XKR4: variants seen among roughly 807,000 people sequenced by gnomAD.
XKR4 encodes XK-related protein 4.
In XKR4, 12 loss-of-function variants were observed where a neutral mutation model predicts 53.9. That is an observed-to-expected ratio of 0.22 (90% CI 0.14 to 0.36). The LOEUF (loss-of-function observed/expected upper bound fraction) is 0.36. Ranked by LOEUF, XKR4 falls within the 10% of genes least tolerant of loss-of-function variation. The probability of loss-of-function intolerance (pLI) is 1.00; values close to 1 mark genes in which losing one functional copy is unlikely to be tolerated. For synonymous variants in XKR4, 354 were observed against 362.4 expected, an observed-to-expected ratio of 0.98 and a Z score of 0.26; for missense variants, 799 against 859.5, an observed-to-expected ratio of 0.93 and a Z score of 0.88.
At position 55,442,489 on chromosome 8, in the gene XKR4, C is replaced by T. The variant is rs971518830; in HGVS notation, c.1007-80792C>T. Among the ~76,000 whole-genome samples the T allele has an allele frequency of 1.3e-4, 20 of 152,170 alleles. No homozygotes were observed. In the East Asian group the frequency reaches 1.5e-3, roughly 12 times the overall value. On this transcript the variant is annotated intron_variant, in intron 2 of 2. Coordinates refer to ENST00000327381, the MANE Select transcript of XKR4 (RefSeq NM_052898.2). ...GCCAGCAATCCCATTCCTAGATATA[C>T]GCCCAAGAGATTTGAACACATACGT...
intron 1 of XKR4, among the ~76,000 whole-genome samples, chr8:55,184,303 TTATTG>T (rs1416744914): frequency 6.6e-6 from 1 of 152,158 alleles, no homozygotes; most frequent in Non-Finnish European, 1.5e-5. Context: ...ACCCTTTTCC[TTATTG>T]TAAGGGTGGG....
At chr8:55,123,356 T>A (rs1207482434) in intron 1 of XKR4, among the ~76,000 whole-genome samples, 1 of 152,196 alleles carries the variant, frequency 6.6e-6, no homozygotes, top group Non-Finnish European at 1.5e-5. Context: ...TCCACAGAAA[T>A]GAAAAGGCAT....
chr8:55,202,332 G>C (rs1482741626), intron 1 of XKR4, among the ~76,000 whole-genome samples: 1 of 152,204 alleles, frequency 6.6e-6, no homozygotes, highest in African/African-American at 2.4e-5. Context: ...GGGAGGCTGG[G>C]AGTTGCCTCG....
At chr8:55,191,943 GT>G (rs1391201340) in intron 1 of XKR4, among the ~76,000 whole-genome samples, 1 of 151,058 alleles carries the variant, frequency 6.6e-6, no homozygotes, top group Non-Finnish European at 1.5e-5. Flanking sequence ...CTTTCTTATC[GT>G]TTGTGATGAC....
At chr8:55,406,505 A>G (rs776529953) in intron 2 of XKR4, among the ~76,000 whole-genome samples, 33 of 152,170 alleles carry the variant, frequency 2.2e-4, no homozygotes, top group Non-Finnish European at 4.3e-4. Flanking sequence ...TATACATGCA[A>G]CTGCCAGAAA....
intron 2 of XKR4, among the ~76,000 whole-genome samples, chr8:55,500,635 C>T (rs1806423160): frequency 2.6e-5 from 4 of 152,176 alleles, no homozygotes; most frequent in African/African-American, 9.7e-5. Context: ...CATCACTATT[C>T]CCTCTCATGG....
chr8:55,114,206 G>A (rs184952723), intron 1 of XKR4, among the ~76,000 whole-genome samples: 13 of 152,240 alleles, frequency 8.5e-5, no homozygotes, highest in African/African-American at 2.4e-4. Context: ...GTATGAAAGC[G>A]TTCCCTTTTC....
intron 1 of XKR4, among the ~76,000 whole-genome samples, chr8:55,117,456 C>T (rs1816325777): frequency 6.6e-6 from 1 of 152,178 alleles, no homozygotes; most frequent in Non-Finnish European, 1.5e-5. Context: ...GAGCAACATG[C>T]TGTGCTTATT....
At chr8:55,271,119 C>T (rs190630211) in intron 1 of XKR4, among the ~76,000 whole-genome samples, 15 of 151,998 alleles carry the variant, frequency 9.9e-5, no homozygotes, top group African/African-American at 3.6e-4. Context: ...CCATCTTCCC[C>T]ATCATTTGGC....
intron 1 of XKR4, among the ~76,000 whole-genome samples, chr8:55,326,882 C>A (rs1043703691): frequency 6.6e-6 from 1 of 151,476 alleles, no homozygotes; most frequent in Non-Finnish European, 1.5e-5. Context: ...AAGGAGAAGA[C>A]GGCCTAAAGA....
At chr8:55,399,648 A>T (rs1006744660) in intron 2 of XKR4, among the ~76,000 whole-genome samples, 1 of 152,250 alleles carries the variant, frequency 6.6e-6, no homozygotes, top group Non-Finnish European at 1.5e-5. Flanking sequence ...CTCGACAAGG[A>T]AACTGTTCAC....
chr8:55,125,573 G>A (rs574154568), intron 1 of XKR4, among the ~76,000 whole-genome samples: 3 of 151,976 alleles, frequency 2.0e-5, no homozygotes, highest in Non-Finnish European at 2.9e-5. Context: ...CCATTAATAT[G>A]GTAAAATCCT....
chr8:55,255,187 T>G (rs1818420202), intron 1 of XKR4, among the ~76,000 whole-genome samples: 1 of 152,238 alleles, frequency 6.6e-6, no homozygotes, highest in Non-Finnish European at 1.5e-5. Flanking sequence ...TTTCTGGCTC[T>G]GGATGGTAGA....
chr8:55,173,638 C>A (rs1817192937), intron 1 of XKR4, among the ~76,000 whole-genome samples: 2 of 152,138 alleles, frequency 1.3e-5, no homozygotes, highest in Non-Finnish European at 2.9e-5. Flanking sequence ...GTGCCAGGCA[C>A]ATTGTGAAAA....
intron 1 of XKR4, among the ~76,000 whole-genome samples, chr8:55,344,539 T>C (rs556945520): frequency 5.3e-5 from 8 of 152,132 alleles, no homozygotes; most frequent in Non-Finnish European, 1.2e-4. Context: ...GTCAATATTA[T>C]GTCAAATAGT....
At chr8:55,348,717 CACACAG>C (rs1803686764) in intron 1 of XKR4, among the ~76,000 whole-genome samples, 3 of 151,858 alleles carry the variant, frequency 2.0e-5, no homozygotes, top group African/African-American at 7.2e-5. Flanking sequence ...CACACACACA[CACACAG>C]AGAGAGAGAT....
intron 1 of XKR4, among the ~76,000 whole-genome samples, chr8:55,335,366 A>C (rs965937093): frequency 6.6e-6 from 1 of 152,200 alleles, no homozygotes; most frequent in Admixed American, 6.5e-5. Flanking sequence ...AAAAATCTTT[A>C]TGTGAATTAG....
intron 2 of XKR4, among the ~76,000 whole-genome samples, chr8:55,514,269 T>TG (rs1806678366): frequency 9.0e-6 from 1 of 111,254 alleles, no homozygotes; most frequent in South Asian, 3.2e-4. Context: ...TTTTTTTTTT[T>TG]GAGAAGGAGT....
At chr8:55,475,047 A>G (rs374822450) in intron 2 of XKR4, among the ~76,000 whole-genome samples, 1 of 152,166 alleles carries the variant, frequency 6.6e-6, no homozygotes, top group South Asian at 2.1e-4. Flanking sequence ...AACTAAAAAC[A>G]ATAACCTAAG....
Sources: gnomAD v4.1 joint callset for allele counts (sites outside exome capture counted in the v4.1 genomes callset) on GRCh38, gnomAD v4.1.1 for gene constraint, MANE v1.5 for transcripts, NCBI Gene and HGNC (gene_info 2026-07-23, HGNC 2026-07-21) for gene names.